TRIO: variants seen among roughly 807,000 people sequenced by gnomAD.
TRIO encodes triple functional domain protein.
TRIO carries 58 observed loss-of-function variants against 351.9 expected under a neutral mutation model. That is an observed-to-expected ratio of 0.16 (90% CI 0.13 to 0.21). The LOEUF (loss-of-function observed/expected upper bound fraction) is 0.21, where lower values mean the gene tolerates loss of function less well. TRIO is among the 10% of genes least tolerant of loss of function. TRIO has a pLI of 1.00. For missense variants in TRIO, 3,201 were observed against 4,027.8 expected (o/e 0.79, Z 5.56); for synonymous variants, 1,758 against 1,595.7 (o/e 1.10, Z -2.42).
At chr5:14,500,138 T>G (rs1757176359) in intron 53 of TRIO, among the ~76,000 whole-genome samples, 1 of 151,888 alleles carries the variant, frequency 6.6e-6, no homozygotes, top group African/African-American at 2.4e-5. Context: ...ATCACACAAA[T>G]TCAGCTGCAC....
intron 1 of TRIO, among the ~76,000 whole-genome samples, chr5:14,176,072 G>A (rs1170155548): frequency 1.3e-5 from 2 of 152,190 alleles, no homozygotes; most frequent in Non-Finnish European, 2.9e-5. Flanking sequence ...GGGAAGCTGA[G>A]GTGGGACGAT....
intron 1 of TRIO, among the ~76,000 whole-genome samples, chr5:14,266,106 AGGT>A (rs1195174109): frequency 6.6e-6 from 1 of 151,590 alleles, no homozygotes; most frequent in Non-Finnish European, 1.5e-5. Flanking sequence ...TCTGCCGTCC[AGGT>A]AAGCAGTGGC....
At chr5:14,335,020 CT>C (rs2152318201) in intron 10 of TRIO, among the ~76,000 whole-genome samples, 1 of 140,940 alleles carries the variant, frequency 7.1e-6, no homozygotes, top group South Asian at 2.1e-4. Flanking sequence ...TTAGATCTGT[CT>C]CGTGTGTGTG....
At chr5:14,324,082 T>A (rs1442011546) in intron 9 of TRIO, among the ~76,000 whole-genome samples, 1 of 152,204 alleles carries the variant, frequency 6.6e-6, no homozygotes, top group Admixed American at 6.5e-5. Flanking sequence ...TCTCTATCAG[T>A]TTCCCCAGCG....
intron 46 of TRIO, among the ~76,000 whole-genome samples, chr5:14,483,227 G>C (rs1395143520): frequency 6.6e-6 from 1 of 152,200 alleles, no homozygotes; most frequent in African/African-American, 2.4e-5. Context: ...TCCCTGCCCT[G>C]ATGTAGCTTA....
chr5:14,416,637 A>G (rs2152387306), intron 33 of TRIO, among the ~76,000 whole-genome samples: 1 of 152,342 alleles, frequency 6.6e-6, no homozygotes, highest in East Asian at 1.9e-4. Flanking sequence ...TGTCAAGTAC[A>G]CAGATGTTTC....
At chr5:14,240,144 GT>G (rs1400507628) in intron 1 of TRIO, among the ~76,000 whole-genome samples, 2 of 152,192 alleles carry the variant, frequency 1.3e-5, no homozygotes, top group Non-Finnish European at 2.9e-5. Flanking sequence ...AATAAAAAGA[GT>G]TAAAGGGACT....
Position 14,488,179 on chromosome 5 carries a change from G to A in TRIO, c.7551G>A (p.Ala2517=). The part of the protein sequence containing the change: ...DSLQRQTPRH[A]APGKDTDRMS... ...TCCAGCGGCAGACACCCCGCCACGC[G>A]GCCCCTGGCAAGGATACTGACCGCA... Residue 2517 remains alanine (A), a synonymous_variant, in exon 48 of 57, where the codon GCG becomes GCA. Transcript: ENST00000344204. The A allele has an allele frequency of 6.2e-7, 1 of 1,601,460 alleles. No homozygotes were observed. Among genetic ancestry groups the A allele is most frequent in the Non-Finnish European group, 8.5e-7 (1 of 1,178,910 alleles).
intron 46 of TRIO, 71 bp from the exon 47 acceptor site, chr5:14,484,998 G>C (rs538009642): frequency 7.1e-7 from 1 of 1,408,636 alleles, no homozygotes; most frequent in South Asian, 1.8e-5. Flanking sequence ...TCCATTCATC[G>C]GTCAGTGGAC....
chr5:14,245,663 G>A (rs910612032), intron 1 of TRIO, among the ~76,000 whole-genome samples: 4 of 152,188 alleles, frequency 2.6e-5, no homozygotes, highest in South Asian at 2.1e-4. Context: ...CTTCTTGACC[G>A]TTTTTGCACC....
At chr5:14,327,682 T>C (rs371121947) in intron 9 of TRIO, among the ~76,000 whole-genome samples, 20 of 152,310 alleles carry the variant, frequency 1.3e-4, no homozygotes, top group African/African-American at 4.8e-4. Context: ...TAAAAAAAAG[T>C]CTCCTTAGCC....
intron 2 of TRIO, among the ~76,000 whole-genome samples, chr5:14,273,786 T>A (rs1210853027): frequency 2.0e-5 from 3 of 152,250 alleles, no homozygotes; most frequent in African/African-American, 7.2e-5. Flanking sequence ...GTGTGGTTCC[T>A]ATGCCACTAG....
At chr5:14,311,412 T>C (rs949653441) in intron 8 of TRIO, among the ~76,000 whole-genome samples, 4 of 152,208 alleles carry the variant, frequency 2.6e-5, no homozygotes, top group African/African-American at 7.2e-5. Flanking sequence ...GAACTTTGCC[T>C]GGAGAAGGAA....
At chr5:14,144,630 C>A (rs1053217778) in intron 1 of TRIO, among the ~76,000 whole-genome samples, 29 of 151,684 alleles carry the variant, frequency 1.9e-4, no homozygotes, top group Non-Finnish European at 8.8e-5. Flanking sequence ...GTGTGGGTGG[C>A]GTGGAGGTGG....
chr5:14,495,808 T>C (rs1756853818), intron 49 of TRIO, among the ~76,000 whole-genome samples: 1 of 148,314 alleles, frequency 6.7e-6, no homozygotes, highest in Non-Finnish European at 1.5e-5. Flanking sequence ...CTACTAAAAA[T>C]ACAAAAAAAA....
chr5:14,249,794 GC>G (rs1794636220), intron 1 of TRIO, among the ~76,000 whole-genome samples: 1 of 152,192 alleles, frequency 6.6e-6, no homozygotes, highest in Non-Finnish European at 1.5e-5. Context: ...TCCTCAAGCT[GC>G]CTGACACCCA....
At chr5:14,372,464 T>C (rs1478505694) in intron 18 of TRIO, among the ~76,000 whole-genome samples, 2 of 152,164 alleles carry the variant, frequency 1.3e-5, no homozygotes, top group Non-Finnish European at 2.9e-5. Flanking sequence ...ATGGTGTTAG[T>C]ACCCAGTGGT....
In TRIO at chr5:14,497,553, G is replaced by A. The variant is rs943224700; in HGVS notation, c.8020-294G>A. 2.6e-5 allele frequency among the ~76,000 whole-genome samples: 4 copies of A among 152,174 alleles called. No individual in the cohort carries two copies. Among genetic ancestry groups the A allele is most frequent in the Admixed American group, 6.5e-5 (1 of 15,282 alleles). On this transcript the variant is annotated intron_variant, in intron 50 of 56. Coordinates refer to ENST00000344204, the MANE Select transcript of TRIO (RefSeq NM_007118.4). The surrounding 1 kb of genome is among the most constrained non-coding windows in gnomAD (Gnocchi z 4.4). ...GACTCTGAGCGCCAGGGGCCAGGGC[G>A]TTGGCGGCTCTGCATTAGGAACGCA...
intron 11 of TRIO, among the ~76,000 whole-genome samples, chr5:14,352,581 C>T (rs77066689): frequency 0.057 from 8,697 of 152,172 alleles, 296 homozygotes; most frequent in African/African-American, 0.087. Context: ...TGATGTGTGC[C>T]CATTCATCCC....
Sources: allele counts gnomAD v4.1 joint callset (sites outside exome capture counted in the v4.1 genomes callset), GRCh38; gene constraint gnomAD v4.1.1; non-coding constraint Gnocchi (gnomAD v3.1); transcripts MANE v1.5; gene names NCBI Gene and HGNC (gene_info 2026-07-23, HGNC 2026-07-21).